Variants in SHISA9 observed in about 807,000 individuals in gnomAD.
SHISA9 encodes the protein protein shisa-9.
In SHISA9, 13 loss-of-function variants were observed where a neutral mutation model predicts 38.0. The ratio of observed to expected loss-of-function variants is 0.34; its 90% CI spans 0.22 to 0.54. SHISA9 has a LOEUF of 0.54. SHISA9 is among the 20% of genes least tolerant of loss of function. The probability of loss-of-function intolerance (pLI) is 0.91; values close to 1 mark genes in which losing one functional copy is unlikely to be tolerated. For synonymous variants in SHISA9, 275 were observed against 242.0 expected (o/e 1.14, Z -1.27); for missense variants, 538 against 575.8 (o/e 0.93, Z 0.67).
chr16:13,422,718 G>C, the SHISA9 span, among the ~76,000 whole-genome samples: 1 of 151,704 alleles, frequency 6.6e-6, no homozygotes, highest in South Asian at 2.1e-4. Context: ...CAAAAACAAA[G>C]AAACAAACAA....
chr16:13,182,217 TATAAA>T (rs1208583979), intron 2 of SHISA9, among the ~76,000 whole-genome samples: 2 of 152,240 alleles, frequency 1.3e-5, no homozygotes, highest in African/African-American at 4.8e-5. Flanking sequence ...GGGGACTTCC[TATAAA>T]ATAAGTGTCA....
At position 13,235,057 on chromosome 16, in the gene SHISA9, C is replaced by G. The variant is rs879741742; in HGVS notation, c.923C>G (p.Thr308Ser). The G allele has an allele frequency of 9.0e-6, 14 of 1,551,124 alleles. No homozygotes were observed. The Admixed American group carries it at 2.4e-4, about 26-fold the overall frequency. The change falls in exon 5 of 5, where the codon ACC (threonine) becomes AGC (serine). Residue 308 changes from threonine to serine, a missense_variant. By Grantham distance (58) the Thr-to-Ser change is moderately conservative (BLOSUM62 1). Transcript: ENST00000558583. The stretch of plus-strand genomic sequence containing the variant: ...GACAAGGTCAATGACGACTTCTACA[C>G]CAAGCGACGGCACCTGGCTGAGCTG... ...KADKVNDDFY[T>S]KRRHLAELAA...
chr16:13,387,548 G>C, the SHISA9 span, among the ~76,000 whole-genome samples: 1 of 151,506 alleles, frequency 6.6e-6, no homozygotes, highest in African/African-American at 2.4e-5. Flanking sequence ...GGAGAGCAGT[G>C]GTGCCATCTC....
chr16:13,145,538 A>G (rs1480546262), intron 2 of SHISA9, among the ~76,000 whole-genome samples: 2 of 152,142 alleles, frequency 1.3e-5, no homozygotes, highest in Non-Finnish European at 2.9e-5. Context: ...AACAACAACA[A>G]CAACAAAAAA....
At position 13,017,168 on chromosome 16, in the gene SHISA9, C is replaced by CATGT. The variant is rs1459253576; in HGVS notation, c.691+100353_691+100354insATGT. Among the ~76,000 whole-genome samples, 18 of 151,990 alleles carry CATGT rather than the reference C, an allele frequency of 1.2e-4. No individual in the cohort carries two copies. The South Asian group carries it at 3.8e-3, about 32-fold the overall frequency. Reference sequence around the variant, plus strand: ...CCAAGTAGCTGGGATTACAGGCCCCCGCCACCATGCCTGGCTAATTTTTGT... The same window carrying CATGT: ...CCAAGTAGCTGGGATTACAGGCCCCCATGTGCCACCATGCCTGGCTAATTTTTGT... On this transcript the variant is annotated intron_variant, in intron 2 of 4. Transcript: ENST00000558583.
the SHISA9 span, among the ~76,000 whole-genome samples, chr16:13,396,571 A>C: frequency 6.6e-6 from 1 of 152,074 alleles, no homozygotes; most frequent in Non-Finnish European, 1.5e-5. Flanking sequence ...GACTAGACCC[A>C]AATCCTCTTT....
At chr16:13,461,606 CTT>C in the SHISA9 span, among the ~76,000 whole-genome samples, 3 of 128,612 alleles carry the variant, frequency 2.3e-5, no homozygotes, top group Admixed American at 8.4e-5. Flanking sequence ...TATAGACTTT[CTT>C]TTTTTTTTTT....
chr16:13,250,376 G>T, the SHISA9 span, among the ~76,000 whole-genome samples: 484 of 152,198 alleles, frequency 3.2e-3, 11 homozygotes, highest in East Asian at 0.076. Context: ...AATTGCATTG[G>T]GGGGAGAGGG....
intron 2 of SHISA9, among the ~76,000 whole-genome samples, chr16:13,105,741 C>T (rs934908562): frequency 2.6e-5 from 4 of 152,194 alleles, no homozygotes; most frequent in Non-Finnish European, 5.9e-5. Context: ...AGGAGAGCTG[C>T]CAGGGGCTGA....
chr16:13,009,341 G>A (rs2072641651), intron 2 of SHISA9, among the ~76,000 whole-genome samples: 1 of 152,152 alleles, frequency 6.6e-6, no homozygotes, highest in African/African-American at 2.4e-5. Context: ...AAGGGATTGG[G>A]AAGGACATTC....
intron 2 of SHISA9, among the ~76,000 whole-genome samples, chr16:13,098,215 C>T (rs1267809272): frequency 6.6e-6 from 1 of 152,150 alleles, no homozygotes; most frequent in African/African-American, 2.4e-5. Context: ...CTTAGGGCCT[C>T]AGGCAAGCAA....
chr16:13,174,138 AC>A (rs547404312), intron 2 of SHISA9, among the ~76,000 whole-genome samples: 160 of 152,258 alleles, frequency 1.1e-3, no homozygotes, highest in Non-Finnish European at 1.7e-3. Flanking sequence ...TTATTATCCT[AC>A]ACCTCTGGCT....
At chr16:13,552,211 G>A in the SHISA9 span, among the ~76,000 whole-genome samples, 3 of 152,154 alleles carry the variant, frequency 2.0e-5, no homozygotes, top group South Asian at 2.1e-4. Flanking sequence ...AGAGCGAGGA[G>A]CTCAGGCTCT....
the SHISA9 span, among the ~76,000 whole-genome samples, chr16:13,479,182 ACT>A: frequency 2.6e-5 from 4 of 151,834 alleles, no homozygotes; most frequent in Non-Finnish European, 2.9e-5. Context: ...CCTTTCACTG[ACT>A]CTGAATCTAA....
At chr16:13,445,566 G>A in the SHISA9 span, among the ~76,000 whole-genome samples, 3 of 152,298 alleles carry the variant, frequency 2.0e-5, no homozygotes, top group Non-Finnish European at 4.4e-5. Context: ...AAATTATTTT[G>A]TTCACTACCC....
rs2051137317 is a variant in SHISA9 at position 13,213,243 on chromosome 16, A to AT, written c.848-3dup. On this transcript the variant is annotated splice_polypyrimidine_tract_variant and intron_variant, in intron 3 of 4. Coordinates refer to ENST00000558583, the MANE Select transcript of SHISA9 (RefSeq NM_001145204.3). ...AGATCATCAGCATTTCTTGATTGTT[A>AT]TTTTTTTAGGAAGTTCTGATGGTGA... The AT allele has an allele frequency of 1.9e-6, 3 of 1,551,392 alleles. No individual in the cohort carries two copies. In the East Asian group the frequency reaches 7.3e-5, roughly 38 times the overall value.
chr16:13,161,230 G>A (rs2050592417), intron 2 of SHISA9, among the ~76,000 whole-genome samples: 2 of 152,138 alleles, frequency 1.3e-5, no homozygotes, highest in Non-Finnish European at 2.9e-5. Context: ...AGGATGGTCA[G>A]AGTCAAAAGG....
At chr16:13,209,839 C>T (rs572071620) in intron 3 of SHISA9, among the ~76,000 whole-genome samples, 7 of 152,344 alleles carry the variant, frequency 4.6e-5, no homozygotes, top group African/African-American at 1.2e-4. Context: ...CAGTGGCTCA[C>T]ACCTGTAATT....
intron 2 of SHISA9, among the ~76,000 whole-genome samples, chr16:13,114,465 CAAAAAAAAAA>C (rs58742818): frequency 1.5e-3 from 75 of 51,018 alleles, no homozygotes; most frequent in Non-Finnish European, 2.7e-3. Context: ...GATTCCATCT[CAAAAAAAAAA>C]AAAAAAAAAA....
Sources: allele counts gnomAD v4.1 joint callset (sites outside exome capture counted in the v4.1 genomes callset), GRCh38; gene constraint gnomAD v4.1.1; transcripts MANE v1.5; gene names NCBI Gene and HGNC (gene_info 2026-07-23, HGNC 2026-07-21).